VWA3A: variants seen among roughly 807,000 people sequenced by gnomAD.
VWA3A encodes the protein von Willebrand factor A domain containing 3A, also known as von Willebrand factor A domain-containing protein 3A.
In VWA3A, 134 loss-of-function variants were observed where a neutral mutation model predicts 160.4. The observed-to-expected ratio is 0.84, with a 90% CI of 0.73 to 0.96. VWA3A has a LOEUF of 0.96. Among genes scored for constraint, VWA3A ranks in the 40% least tolerant of loss-of-function variants. The pLI is 0.00. For synonymous variants in VWA3A, 476 were observed against 543.4 expected, an observed-to-expected ratio of 0.88 and a Z score of 1.72; for missense variants, 1,310 against 1,447.9, an observed-to-expected ratio of 0.90 and a Z score of 1.55.
intron 17 of VWA3A, among the ~76,000 whole-genome samples, chr16:22,127,456 G>A (rs1598078182): frequency 6.6e-6 from 1 of 151,992 alleles, no homozygotes; most frequent in Non-Finnish European, 1.5e-5. Context: ...TTTTTAAATT[G>A]CATACTATTT....
intron 22 of VWA3A, 55 bp downstream of exon 22, chr16:22,138,567 G>T: frequency 6.2e-7 from 1 of 1,605,154 alleles, no homozygotes; most frequent in African/African-American, 1.3e-5. Context: ...TTTGTCTTCT[G>T]GTCTTTCCTG....
At chr16:22,143,826 C>T (rs2046198017) in intron 25 of VWA3A, among the ~76,000 whole-genome samples, 1 of 151,526 alleles carries the variant, frequency 6.6e-6, no homozygotes, top group Non-Finnish European at 1.5e-5. Flanking sequence ...CTGCAACCTC[C>T]GCCTCCTGGG....
intron 23 of VWA3A, among the ~76,000 whole-genome samples, chr16:22,140,879 T>G (rs2046134951): frequency 1.3e-5 from 2 of 152,152 alleles, no homozygotes; most frequent in Non-Finnish European, 2.9e-5. Flanking sequence ...CCCAAAGTGC[T>G]GAGATTACAG....
Position 22,121,016 on chromosome 16 carries a change from C to T in VWA3A, c.1165C>T (p.Pro389Ser). 6.2e-7 allele frequency: 1 copy of T among 1,613,978 alleles called. No homozygotes were observed. Among genetic ancestry groups the T allele is most frequent in the Non-Finnish European group, 8.5e-7 (1 of 1,179,894 alleles). Residue 389 changes from proline (P) to serine (S), a missense_variant, in exon 13 of 34, where the codon CCC becomes TCC. By Grantham distance (74) the Pro-to-Ser change is moderately conservative. Coordinates refer to ENST00000389398, the MANE Select transcript of VWA3A (RefSeq NM_173615.5). ...GCCACTCATAAGCCTCTTGCCTAAA[C>T]CCCCAAAGCATGACGCTCCTCTCAC... ...NGPLISLLPK[P>S]PKHDAPLTIE...
At chr16:22,111,165 G>A (rs901559068) in intron 8 of VWA3A, among the ~76,000 whole-genome samples, 171 bp downstream of exon 8, 8 of 151,998 alleles carry the variant, frequency 5.3e-5, no homozygotes, top group Non-Finnish European at 8.8e-5. Context: ...GTCTACCCTC[G>A]TGAGCGGTTC....
intron 23 of VWA3A, among the ~76,000 whole-genome samples, chr16:22,140,466 G>T (rs1054026115): frequency 6.6e-6 from 1 of 152,142 alleles, no homozygotes; most frequent in Non-Finnish European, 1.5e-5. Context: ...GGAGCCAGAT[G>T]TGGTGGTGCA....
chr16:22,122,986 A>C (rs1210917637), intron 14 of VWA3A, 99 bp from the exon 15 acceptor site: 1 of 990,312 alleles, frequency 1.0e-6, no homozygotes, highest in Non-Finnish European at 1.6e-6. Context: ...TTCAGAGTCC[A>C]CTTCACTCTC....
chr16:22,110,014 C>T (rs576250278), intron 7 of VWA3A, among the ~76,000 whole-genome samples: 2 of 152,312 alleles, frequency 1.3e-5, no homozygotes, highest in Non-Finnish European at 2.9e-5. Flanking sequence ...GCTCATTGCT[C>T]CATCCCCAAC....
At chr16:22,097,543 C>T (rs1225987188) in intron 2 of VWA3A, 29 bp from the exon 3 acceptor site, 2 of 1,549,556 alleles carry the variant, frequency 1.3e-6, no homozygotes, top group Non-Finnish European at 1.7e-6. Flanking sequence ...AGTGCTGGGG[C>T]ATTGATCAAA....
chr16:22,136,758 C>T (rs895511169), intron 21 of VWA3A, among the ~76,000 whole-genome samples: 4 of 151,988 alleles, frequency 2.6e-5, no homozygotes, highest in Non-Finnish European at 4.4e-5. Flanking sequence ...CCCAGCTGGG[C>T]GTAGTGGCTC....
intron 31 of VWA3A, among the ~76,000 whole-genome samples, chr16:22,154,503 A>G (rs1290012243): frequency 2.0e-5 from 3 of 150,466 alleles, no homozygotes. Context: ...TAATTTTTAT[A>G]TTTTTAGTAG....
In VWA3A at chr16:22,092,541, G is replaced by T; in HGVS notation, c.-97G>T. On this transcript the variant is annotated 5_prime_UTR_variant, in exon 1 of 34. Transcript: ENST00000389398. ...TTCCCGCAGGGCAAGCTTCGCTGCT[G>T]AGTTGCTTGGAGGAGCTTGGAGAAA... is the stretch of plus-strand genomic sequence containing the variant. The T allele has an allele frequency of 6.7e-7, 1 of 1,486,292 alleles. No homozygotes were observed. The highest frequency in any genetic ancestry group is 9.1e-7 in the Non-Finnish European group (1 of 1,096,002). The allele number at this position is 1,486,292 out of a possible 1,614,324, so 92.1% of individuals were successfully genotyped here.
In VWA3A at chr16:22,133,039, C is replaced by A. The variant is rs374069500; in HGVS notation, c.2012C>A (p.Ala671Asp). 565 of 1,613,926 alleles carry A rather than the reference C, an allele frequency of 3.5e-4. 5 individuals carry two copies. The Middle Eastern group carries it at 4.8e-3, about 14-fold the overall frequency. The change falls in exon 20 of 34, where the codon GCC becomes GAC. Residue 671 changes from alanine (A) to aspartate (D), a missense_variant. Transcript: ENST00000389398. The part of the protein sequence containing the change: ...RYASHTDTAA[A>D]YKEVTRAAGG... The stretch of plus-strand genomic sequence containing the variant: ...GCCAGTCACACTGACACAGCCGCCG[C>A]CTACAAGGAGGTCACCCGGGCTGCA...
At chr16:22,138,267 T>C (rs1216359134) in intron 21 of VWA3A, 93 bp from the exon 22 acceptor site, 10 of 1,435,294 alleles carry the variant, frequency 7.0e-6, no homozygotes, top group Non-Finnish European at 9.4e-6. Context: ...ACATCAGAGG[T>C]TCCAGTGGAT....
intron 2 of VWA3A, 113 bp downstream of exon 2, chr16:22,097,058 C>A (rs964711216): frequency 1.5e-6 from 1 of 663,210 alleles, no homozygotes; most frequent in Admixed American, 2.8e-5. Flanking sequence ...CTCTGCCCTC[C>A]GGGTTCATGC....
intron 1 of VWA3A, among the ~76,000 whole-genome samples, chr16:22,094,065 C>T (rs1397908478): frequency 3.3e-5 from 5 of 152,050 alleles, no homozygotes; most frequent in Non-Finnish European, 7.4e-5. Context: ...TGAGCCATTG[C>T]ACCCGGCCCC....
chr16:22,135,564 C>T lies in VWA3A; in HGVS notation c.2139+1126C>T, dbSNP rs1049224418. 5.9e-5 allele frequency among the ~76,000 whole-genome samples: 9 copies of T among 152,256 alleles called. No individual in the cohort carries two copies. The South Asian group carries it at 1.9e-3, about 32-fold the overall frequency. On this transcript the variant is annotated intron_variant, in intron 21 of 33. Coordinates refer to ENST00000389398, the MANE Select transcript of VWA3A (RefSeq NM_173615.5). ...TCAGCTTCCCTCTTCATGTCCTAAT[C>T]CACTGAGACCCAAGGCTTCAGAAGA... is the stretch of plus-strand genomic sequence containing the variant.
intron 9 of VWA3A, 37 bp downstream of exon 9, chr16:22,115,509 GA>G: frequency 6.4e-7 from 1 of 1,558,408 alleles, no homozygotes; most frequent in Non-Finnish European, 8.7e-7. Context: ...CATACTACAT[GA>G]AAAGGACTGA....
At chr16:22,117,267 A>G in intron 11 of VWA3A, 91 bp downstream of exon 11, 2 of 1,344,828 alleles carry the variant, frequency 1.5e-6, no homozygotes, top group East Asian at 5.0e-5. Flanking sequence ...GGACCATACT[A>G]TATACTTGTT....
Sources: gnomAD v4.1 joint callset for allele counts (sites outside exome capture counted in the v4.1 genomes callset) on GRCh38, gnomAD v4.1.1 for gene constraint, MANE v1.5 for transcripts, NCBI Gene and HGNC (gene_info 2026-07-23, HGNC 2026-07-21) for gene names.